The following BIRC6 variants were observed in gnomAD, a reference collection of about 807,000 sequenced individuals.
BIRC6 encodes the protein baculoviral IAP repeat containing 6.
A neutral mutation model predicts 503.3 loss-of-function variants in BIRC6; 98 were observed. The ratio of observed to expected loss-of-function variants is 0.19; its 90% CI spans 0.17 to 0.23. The LOEUF is 0.23. BIRC6 is among the 10% of genes least tolerant of loss of function. BIRC6 has a pLI of 1.00. For synonymous variants in BIRC6, 2,240 were observed against 2,078.7 expected (o/e 1.08, Z -2.11); for missense variants, 5,360 against 5,806.0 (o/e 0.92, Z 2.50).
intron 39 of BIRC6, among the ~76,000 whole-genome samples, chr2:32,483,231 T>C (rs2050614837): frequency 6.6e-6 from 1 of 152,060 alleles, no homozygotes; most frequent in Non-Finnish European, 1.5e-5. Context: ...TTTTACACTT[T>C]TTTAGTCATG....
chr2:32,546,366 G>C (rs1171269998), intron 63 of BIRC6, among the ~76,000 whole-genome samples: 1 of 152,102 alleles, frequency 6.6e-6, no homozygotes, highest in African/African-American at 2.4e-5. Flanking sequence ...GATAGCCTGA[G>C]GTCAGGAGTT....
Position 32,569,442 on chromosome 2 carries a change from C to T in BIRC6, c.13145-5714C>T, listed in dbSNP as rs113923260. On this transcript the variant is annotated intron_variant, in intron 65 of 73. Coordinates refer to ENST00000421745, the MANE Select transcript of BIRC6 (RefSeq NM_016252.4). The stretch of plus-strand genomic sequence containing the variant: ...AGAGTACAGTAGTGCTATCAGAGCT[C>T]ACTGTAGCCTCGACCTGGTAGGCTC... Among the ~76,000 whole-genome samples, 1,426 of 152,294 alleles carry T rather than the reference C, an allele frequency of 9.4e-3. 20 individuals carry two copies. Among genetic ancestry groups the T allele is most frequent in the Admixed American group, 0.014 (216 of 15,302 alleles).
intron 10 of BIRC6, among the ~76,000 whole-genome samples, chr2:32,420,406 G>GTTT (rs540134555): frequency 6.6e-6 from 1 of 152,078 alleles, no homozygotes; most frequent in Non-Finnish European, 1.5e-5. Context: ...ACTTCCTAAG[G>GTTT]TTTTTTATTT....
intron 3 of BIRC6, among the ~76,000 whole-genome samples, chr2:32,388,256 C>T (rs2038761868): frequency 6.6e-6 from 1 of 151,890 alleles, no homozygotes; most frequent in South Asian, 2.1e-4. Context: ...TGGCGCATGC[C>T]TGTAATCCCA....
chr2:32,491,346 C>T, intron 43 of BIRC6, 79 bp from the exon 44 acceptor site: 1 of 1,353,830 alleles, frequency 7.4e-7, no homozygotes, highest in Non-Finnish European at 9.8e-7. Flanking sequence ...TTCCTTGGAA[C>T]TAAAAGATGC....
At chr2:32,432,008 A>T (rs2148007704) in intron 12 of BIRC6, among the ~76,000 whole-genome samples, 1 of 152,344 alleles carries the variant, frequency 6.6e-6, no homozygotes, top group Admixed American at 6.5e-5. Flanking sequence ...TTCCATGATA[A>T]TAGCAATACA....
chr2:32,555,502 G>A (rs1439775919), intron 65 of BIRC6, among the ~76,000 whole-genome samples: 2 of 152,054 alleles, frequency 1.3e-5, no homozygotes, highest in Non-Finnish European at 2.9e-5. Context: ...GCCGGGTGTG[G>A]TGGCGCATGC....
chr2:32,366,199 C>G (rs1373495532), intron 1 of BIRC6, among the ~76,000 whole-genome samples: 1 of 152,174 alleles, frequency 6.6e-6, no homozygotes, highest in Non-Finnish European at 1.5e-5. Context: ...ACCTCTTTTA[C>G]CTATGTATGT....
intron 71 of BIRC6, among the ~76,000 whole-genome samples, chr2:32,605,414 T>TA (rs2062382237): frequency 6.6e-6 from 1 of 152,234 alleles, no homozygotes. Flanking sequence ...TCCTTTTTTA[T>TA]AAATTTGTAA....
At chr2:32,361,370 T>C (rs1398547032) in intron 1 of BIRC6, among the ~76,000 whole-genome samples, 1 of 152,222 alleles carries the variant, frequency 6.6e-6, no homozygotes, top group Non-Finnish European at 1.5e-5. Flanking sequence ...ATGTGTTTCT[T>C]TTTTAGAGCA....
chr2:32,527,450 T>G (rs971612721), intron 59 of BIRC6: 24 of 152,354 alleles, frequency 1.6e-4, no homozygotes, highest in African/African-American at 5.5e-4. Context: ...ATAAATCCAC[T>G]TTCTTGAACA....
In BIRC6 at chr2:32,375,987, C is replaced by T. The variant is rs894774016; in HGVS notation, c.326-1601C>T. On this transcript the variant is annotated intron_variant, in intron 1 of 73. Coordinates refer to ENST00000421745, the MANE Select transcript of BIRC6 (RefSeq NM_016252.4). ...GATCAGGAGGTCAGGAGATCGAGAC[C>T]ATCCTGGCTAATACGGTGAAACCCC... is the stretch of plus-strand genomic sequence containing the variant. Among the ~76,000 whole-genome samples, 53 of 152,004 alleles carry T rather than the reference C, an allele frequency of 3.5e-4. 1 individual carries two copies. The highest frequency in any genetic ancestry group is 1.2e-3 in the African/African-American group (51 of 41,410).
At chr2:32,424,000 T>C (rs1228737329) in intron 10 of BIRC6, among the ~76,000 whole-genome samples, 2 of 152,192 alleles carry the variant, frequency 1.3e-5, no homozygotes, top group African/African-American at 4.8e-5. Context: ...AGAATGGTAA[T>C]GCTAGCTATG....
Position 32,597,737 on chromosome 2 carries a change from TC to T in BIRC6, c.13613-13del, listed in dbSNP as rs1350813106. ...TTTTGCAGTTCTGGGTTTTATTTTT[TC>T]TTCTCCTTTTAGATACGTTTGAAAT... is the stretch of plus-strand genomic sequence containing the variant. On this transcript the variant is annotated splice_polypyrimidine_tract_variant and intron_variant, in intron 68 of 73. Coordinates refer to ENST00000421745, the MANE Select transcript of BIRC6 (RefSeq NM_016252.4). 6.3e-7 allele frequency: 1 copy of T among 1,594,344 alleles called. No homozygotes were observed. The highest frequency in any genetic ancestry group is 8.6e-7 in the Non-Finnish European group (1 of 1,163,362).
At position 32,545,678 on chromosome 2, in the gene BIRC6, C is replaced by T. The variant is rs1372817825; in HGVS notation, c.12628C>T (p.Pro4210Ser). Residue 4210 changes from proline (P) to serine (S), a missense_variant, in exon 63 of 74, where the codon CCA (proline) becomes TCA (serine). By Grantham distance (74) the Pro-to-Ser change is moderately conservative. This residue lies in a region of BIRC6 where 477 missense variants were observed against 574.4 expected (regional missense o/e 0.83). Coordinates refer to ENST00000421745, the MANE Select transcript of BIRC6 (RefSeq NM_016252.4). The stretch of plus-strand genomic sequence containing the variant: ...TCAATCTCCATCAGCCAATGTGCTT[C>T]CAACCCTTCCTTTCCACGTCCTTCG... The part of the protein sequence containing the change: ...ILQSPSANVL[P>S]TLPFHVLRSL... 1.2e-6 allele frequency: 2 copies of T among 1,613,872 alleles called. No individual in the cohort carries two copies. The highest frequency in any genetic ancestry group is 1.7e-5 in the Admixed American group (1 of 60,024).
intron 57 of BIRC6, chr2:32,522,419 G>A (rs1328803356): frequency 6.6e-6 from 1 of 151,944 alleles, no homozygotes; most frequent in South Asian, 2.1e-4. Context: ...TTTGTAAGTA[G>A]GATCAGAGCA....
chr2:32,386,806 A>G (rs2038540821), intron 3 of BIRC6, among the ~76,000 whole-genome samples: 1 of 152,150 alleles, frequency 6.6e-6, no homozygotes, highest in Non-Finnish European at 1.5e-5. Flanking sequence ...CTTTAGTTTA[A>G]TATCTTTGTA....
At chr2:32,593,007 G>C (rs766622806) in intron 66 of BIRC6, among the ~76,000 whole-genome samples, 4 of 152,026 alleles carry the variant, frequency 2.6e-5, no homozygotes, top group Non-Finnish European at 5.9e-5. Flanking sequence ...TTTTTAGGTA[G>C]GTATACAACT....
intron 65 of BIRC6, among the ~76,000 whole-genome samples, chr2:32,559,344 A>C (rs182344324): frequency 1.9e-3 from 294 of 152,374 alleles, no homozygotes; most frequent in Non-Finnish European, 3.6e-3. Context: ...TGCAAGCTGC[A>C]CTTGGAGACA....
Sources: gnomAD v4.1 joint callset for allele counts (sites outside exome capture counted in the v4.1 genomes callset) on GRCh38, gnomAD v4.1.1 for gene constraint, gnomAD v4.1.1 regional missense constraint, MANE v1.5 for transcripts, NCBI Gene and HGNC (gene_info 2026-07-23, HGNC 2026-07-21) for gene names.